Variants in RAF1 observed in about 807,000 individuals in gnomAD.
RAF1 encodes Raf-1 proto-oncogene, serine/threonine kinase, also known as RAF proto-oncogene serine/threonine-protein kinase.
A neutral mutation model predicts 81.1 loss-of-function variants in RAF1; 27 were observed. The observed-to-expected ratio is 0.33, with a 90% CI of 0.25 to 0.46. The LOEUF is 0.46. Among genes scored for constraint, RAF1 ranks in the 20% least tolerant of loss-of-function variants. RAF1 has a pLI of 1.00. For missense variants in RAF1, 598 were observed against 826.0 expected (o/e 0.72, Z 3.38); for synonymous variants, 298 against 294.0 (o/e 1.01, Z -0.14).
chr3:12,598,634 G>A (rs1026059875), intron 11 of RAF1, among the ~76,000 whole-genome samples: 1 of 149,076 alleles, frequency 6.7e-6, no homozygotes, highest in African/African-American at 2.5e-5. Flanking sequence ...GCTTAGGCAG[G>A]AGGACTGTTT....
At chr3:12,612,832 A>G (rs6786546) in intron 2 of RAF1, among the ~76,000 whole-genome samples, 1 of 152,128 alleles carries the variant, frequency 6.6e-6, no homozygotes, top group African/African-American at 2.4e-5. Context: ...ATACACATAT[A>G]TGTTCACTAG....
chr3:12,612,954 T>C (rs1021931436), intron 2 of RAF1, among the ~76,000 whole-genome samples: 5 of 152,162 alleles, frequency 3.3e-5, no homozygotes, highest in Non-Finnish European at 7.3e-5. Flanking sequence ...CTAACAAAAA[T>C]TCCATCTCAC....
intron 2 of RAF1, among the ~76,000 whole-genome samples, chr3:12,615,001 T>G (rs1256609155): frequency 6.6e-6 from 1 of 152,228 alleles, no homozygotes; most frequent in African/African-American, 2.4e-5. Flanking sequence ...GGACAGTTCT[T>G]TAAATATCAT....
chr3:12,647,366 T>A (rs2060385084), intron 1 of RAF1, among the ~76,000 whole-genome samples: 1 of 151,112 alleles, frequency 6.6e-6, no homozygotes, highest in Admixed American at 6.6e-5. Flanking sequence ...TTTGAGAGGT[T>A]GAGGCAAGCA....
chr3:12,653,053 G>A (rs761797403), intron 1 of RAF1, among the ~76,000 whole-genome samples: 11 of 152,092 alleles, frequency 7.2e-5, no homozygotes, highest in Non-Finnish European at 8.8e-5. Context: ...AGGATGATGC[G>A]GGTAGATCGC....
At chr3:12,591,990 GCA>G in intron 11 of RAF1, 198 bp from the exon 11 acceptor site, 1 of 613,028 alleles carries the variant, frequency 1.6e-6, no homozygotes, top group South Asian at 1.8e-5. Flanking sequence ...GTGGCACATT[GCA>G]GCCTTGACCT....
At chr3:12,608,549 A>G (rs2059111933) in intron 5 of RAF1, 2 of 584,444 alleles carry the variant, frequency 3.4e-6, no homozygotes, top group Non-Finnish European at 6.1e-6. Flanking sequence ...AATTTGACAG[A>G]TAACAAGTCC....
Position 12,642,802 on chromosome 3 carries a change from TGCCTTAACAGGGAGGTTGAG to T in RAF1, c.-27+20991_-27+21010del, listed in dbSNP as rs535515687. The stretch of plus-strand genomic sequence containing the variant: ...GGGGTGGGAGGCTGAGGGGAGAGGA[TGCCTTAACAGGGAGGTTGAG>T]GCTGCAGAGAGCCATGATCACGTCA... On this transcript the variant is annotated intron_variant, in intron 1 of 17. Coordinates refer to ENST00000442415, the MANE Select transcript of RAF1 (RefSeq NM_001354689.3). Among the ~76,000 whole-genome samples, 83 of 149,478 alleles carry T rather than the reference TGCCTTAACAGGGAGGTTGAG, an allele frequency of 5.6e-4. 1 individual carries two copies. The East Asian group carries it at 0.015, about 26-fold the overall frequency.
chr3:12,618,296 A>G (rs2059439518), intron 2 of RAF1, among the ~76,000 whole-genome samples: 1 of 152,204 alleles, frequency 6.6e-6, no homozygotes, highest in East Asian at 1.9e-4. Flanking sequence ...AAAGGAAGAC[A>G]TTCCAGGCAA....
rs902971590 is a variant in RAF1 at position 12,664,009 on chromosome 3, A to G, written c.-223T>C. ...AGGGCACGCGCCCCAAAGCCCGGCC[A>G]GCTGACCCTTTTCGGGGCCCAAAAA... On this transcript the variant is annotated 5_prime_UTR_variant, in exon 1 of 18. Transcript: ENST00000442415. 2.5e-6 allele frequency: 1 copy of G among 398,402 alleles called. No individual in the cohort carries two copies. Among genetic ancestry groups the G allele is most frequent in the African/African-American group, 2.1e-5 (1 of 48,618 alleles). The allele number at this position is 398,402 out of a possible 1,614,324, so 24.7% of individuals were successfully genotyped here.
At chr3:12,646,448 C>T (rs1245590509) in intron 1 of RAF1, among the ~76,000 whole-genome samples, 4 of 152,122 alleles carry the variant, frequency 2.6e-5, no homozygotes, top group Admixed American at 2.6e-4. Flanking sequence ...GATCTCAGCT[C>T]ACTGCAACCT....
At chr3:12,624,359 GA>G (rs1421769709) in intron 1 of RAF1, among the ~76,000 whole-genome samples, 16 of 152,110 alleles carry the variant, frequency 1.1e-4, no homozygotes, top group African/African-American at 3.6e-4. Flanking sequence ...GCAGACATCT[GA>G]AAACAAGGAG....
At chr3:12,651,165 T>C (rs1007055134) in intron 1 of RAF1, among the ~76,000 whole-genome samples, 2 of 152,348 alleles carry the variant, frequency 1.3e-5, no homozygotes, top group South Asian at 2.1e-4. Context: ...TTTTTTTCTA[T>C]AGCACTTAAA....
chr3:12,585,568 G>T, intron 15 of RAF1, 113 bp downstream of exon 14: 1 of 1,341,998 alleles, frequency 7.5e-7, no homozygotes. Context: ...TGTCACTAGG[G>T]GTCATGTGGA....
chr3:12,663,510 G>A (rs757161811), intron 1 of RAF1, among the ~76,000 whole-genome samples: 15 of 152,224 alleles, frequency 9.9e-5, no homozygotes, highest in Non-Finnish European at 1.9e-4. Flanking sequence ...GGCAGCTCTG[G>A]GCGGATTTTC....
At chr3:12,627,035 A>AAAAAG (rs1164073947) in intron 1 of RAF1, among the ~76,000 whole-genome samples, 1 of 151,110 alleles carries the variant, frequency 6.6e-6, no homozygotes. Flanking sequence ...AAAAAAAAAA[A>AAAAAG]AAAAGAAAAG....
chr3:12,648,603 G>C (rs552761417), intron 1 of RAF1, among the ~76,000 whole-genome samples: 4 of 152,250 alleles, frequency 2.6e-5, no homozygotes, highest in African/African-American at 9.6e-5. Context: ...ATCTATATTA[G>C]CCGGATGTGG....
At chr3:12,640,922 A>G (rs2125530768) in intron 1 of RAF1, among the ~76,000 whole-genome samples, 1 of 152,274 alleles carries the variant, frequency 6.6e-6, no homozygotes, top group South Asian at 2.1e-4. Context: ...ACATATGTTT[A>G]TTGTGGTACT....
intron 1 of RAF1, among the ~76,000 whole-genome samples, chr3:12,651,784 CA>C (rs2060535193): frequency 6.6e-6 from 1 of 150,954 alleles, no homozygotes; most frequent in Admixed American, 6.6e-5. Context: ...CCAAGGCGGG[CA>C]AATCACTTGA....
Sources: gnomAD v4.1 joint callset for allele counts (sites outside exome capture counted in the v4.1 genomes callset) on GRCh38, gnomAD v4.1.1 for gene constraint, MANE v1.5 for transcripts, NCBI Gene and HGNC (gene_info 2026-07-23, HGNC 2026-07-21) for gene names.